SHTN1: variants seen among roughly 807,000 people sequenced by gnomAD.
The protein encoded by SHTN1 is shootin 1.
SHTN1 carries 42 observed loss-of-function variants against 83.1 expected under a neutral mutation model. That is an observed-to-expected ratio of 0.51 (90% CI 0.39 to 0.65). The LOEUF (loss-of-function observed/expected upper bound fraction) is 0.65. SHTN1 is among the 30% of genes least tolerant of loss of function. The probability of loss-of-function intolerance (pLI) is 0.00; values close to 1 mark genes in which losing one functional copy is unlikely to be tolerated. For synonymous variants in SHTN1, 224 were observed against 247.7 expected (o/e 0.90, Z 0.90); for missense variants, 622 against 737.8 (o/e 0.84, Z 1.82).
At chr10:116,961,649 C>T (rs1472979600) in intron 3 of SHTN1, among the ~76,000 whole-genome samples, 3 of 152,186 alleles carry the variant, frequency 2.0e-5, no homozygotes, top group South Asian at 2.1e-4. Flanking sequence ...ACCCAACAAT[C>T]GGCTTGGCAG....
At chr10:116,905,117 C>T (rs376523452) in intron 15 of SHTN1, among the ~76,000 whole-genome samples, 3 of 149,238 alleles carry the variant, frequency 2.0e-5, no homozygotes, top group Non-Finnish European at 3.0e-5. Flanking sequence ...AGGAGAATGG[C>T]GTTGAACCCG....
intron 1 of SHTN1, among the ~76,000 whole-genome samples, chr10:117,091,230 G>A (rs553122990): frequency 2.0e-5 from 3 of 152,326 alleles, no homozygotes; most frequent in South Asian, 2.1e-4. Context: ...GAGCTTACGC[G>A]TTGTGCCAGG....
intron 6 of SHTN1, among the ~76,000 whole-genome samples, chr10:116,950,526 T>C (rs1168571476): frequency 6.6e-6 from 1 of 152,162 alleles, no homozygotes; most frequent in East Asian, 1.9e-4. Flanking sequence ...TAAAAATAAT[T>C]GTTGAATTGT....
At chr10:116,887,267 T>C (rs978936298) in intron 16 of SHTN1, among the ~76,000 whole-genome samples, 1 of 152,220 alleles carries the variant, frequency 6.6e-6, no homozygotes, top group Non-Finnish European at 1.5e-5. Flanking sequence ...CTCTCGTCTC[T>C]TCTGCTGCAA....
intron 2 of SHTN1, among the ~76,000 whole-genome samples, chr10:117,019,017 A>G (rs1852224594): frequency 6.6e-6 from 1 of 152,204 alleles, no homozygotes; most frequent in African/African-American, 2.4e-5. Context: ...GAAAAACTAC[A>G]GGAATTTTCA....
At chr10:116,936,634 T>C (rs763838234) in intron 9 of SHTN1, among the ~76,000 whole-genome samples, 2 of 152,188 alleles carry the variant, frequency 1.3e-5, no homozygotes, top group Admixed American at 6.5e-5. Context: ...GAGAAGAATA[T>C]ATATTCTGTT....
Position 116,881,998 on chromosome 10 carries a change from A to G in SHTN1, c.*4346T>C. The G allele has an allele frequency of 5.1e-6, 1 of 197,712 alleles. No homozygotes were observed. 12.2% of individuals were successfully genotyped at this position (197,712 alleles called of 1,614,324 possible). On this transcript the variant is annotated 3_prime_UTR_variant, in exon 17 of 17. Transcript: ENST00000355371. ...TCAGTCAAACACCCCATCCTTTACCAATCAGAATATCTCTGAGAACAAAAA... is the reference window on the plus strand; with the variant it reads ...TCAGTCAAACACCCCATCCTTTACCGATCAGAATATCTCTGAGAACAAAAA...
chr10:116,917,582 G>A (rs1848422520), intron 12 of SHTN1, among the ~76,000 whole-genome samples: 1 of 152,156 alleles, frequency 6.6e-6, no homozygotes, highest in Non-Finnish European at 1.5e-5. Flanking sequence ...CATGGTGATA[G>A]GAACACCGCC....
intron 12 of SHTN1, among the ~76,000 whole-genome samples, chr10:116,916,495 T>C (rs1392473504): frequency 6.6e-6 from 1 of 152,238 alleles, no homozygotes; most frequent in African/African-American, 2.4e-5. Flanking sequence ...TACTGACTAT[T>C]GGCTTCTGAA....
chr10:117,033,247 A>T (rs1852446571), intron 2 of SHTN1, among the ~76,000 whole-genome samples: 1 of 152,146 alleles, frequency 6.6e-6, no homozygotes, highest in South Asian at 2.1e-4. Flanking sequence ...ATGAAACAAA[A>T]AGTTTTTTTT....
At chr10:117,079,886 T>G (rs1411227967) in intron 1 of SHTN1, among the ~76,000 whole-genome samples, 2 of 147,980 alleles carry the variant, frequency 1.4e-5, no homozygotes, top group African/African-American at 4.9e-5. Context: ...ATGGGGTTGT[T>G]TGTCTTTTTC....
intron 3 of SHTN1, among the ~76,000 whole-genome samples, chr10:116,966,735 A>G (rs1850409560): frequency 6.6e-6 from 1 of 152,184 alleles, no homozygotes; most frequent in Non-Finnish European, 1.5e-5. Context: ...TAAACCCTAG[A>G]CCAAATATTT....
At chr10:116,954,635 C>T (rs535288984) in intron 4 of SHTN1, among the ~76,000 whole-genome samples, 2 of 152,256 alleles carry the variant, frequency 1.3e-5, no homozygotes, top group Non-Finnish European at 2.9e-5. Context: ...TTCCATTGTT[C>T]CACATGATTT....
At chr10:117,092,932 T>C (rs1853454699) in intron 1 of SHTN1, among the ~76,000 whole-genome samples, 1 of 152,160 alleles carries the variant, frequency 6.6e-6, no homozygotes, top group Non-Finnish European at 1.5e-5. Context: ...TAGCAGTACA[T>C]GAAGAATTTG....
At chr10:116,924,006 C>T (rs1480077066) in intron 11 of SHTN1, among the ~76,000 whole-genome samples, 1 of 152,182 alleles carries the variant, frequency 6.6e-6, no homozygotes, top group Non-Finnish European at 1.5e-5. Flanking sequence ...AAAAACACAT[C>T]CTGCTCTATC....
At chr10:116,987,715 G>T (rs1382235063) in intron 1 of SHTN1, among the ~76,000 whole-genome samples, 1 of 152,084 alleles carries the variant, frequency 6.6e-6, no homozygotes, top group Non-Finnish European at 1.5e-5. Flanking sequence ...AGGAGATCGA[G>T]ACCATCATGG....
chr10:117,106,267 C>T (rs1417224102), intron 1 of SHTN1, among the ~76,000 whole-genome samples: 1 of 152,050 alleles, frequency 6.6e-6, no homozygotes, highest in Admixed American at 6.6e-5. Context: ...CCATCCTGGC[C>T]AACATGGTGA....
chr10:117,047,831 G>T (rs1852688228), intron 2 of SHTN1, among the ~76,000 whole-genome samples: 1 of 148,350 alleles, frequency 6.7e-6, no homozygotes, highest in Non-Finnish European at 1.5e-5. Flanking sequence ...TGGCCAGACT[G>T]GTCTTGAACT....
intron 1 of SHTN1, among the ~76,000 whole-genome samples, chr10:117,078,608 T>C (rs1853199897): frequency 1.3e-5 from 2 of 152,170 alleles, no homozygotes; most frequent in Admixed American, 1.3e-4. Context: ...TCTTGTCTAT[T>C]TTTGGCACCT....
Sources: gnomAD v4.1 joint callset for allele counts (sites outside exome capture counted in the v4.1 genomes callset) on GRCh38, gnomAD v4.1.1 for gene constraint, MANE v1.5 for transcripts, NCBI Gene and HGNC (gene_info 2026-07-23, HGNC 2026-07-21) for gene names.